The following TULP4 variants were observed in gnomAD, a reference collection of about 807,000 sequenced individuals.
The protein encoded by TULP4 is TUB like protein 4, also known as tubby-related protein 4.
In TULP4, 16 loss-of-function variants were observed where a neutral mutation model predicts 129.0. The observed-to-expected ratio is 0.12, with a 90% CI of 0.08 to 0.19. The LOEUF is 0.19. Among genes scored for constraint, TULP4 ranks in the 10% least tolerant of loss-of-function variants. TULP4 has a pLI of 1.00. For missense variants in TULP4, 1,842 were observed against 2,059.1 expected (o/e 0.89, Z 2.04); for synonymous variants, 998 against 854.0 (o/e 1.17, Z -2.94).
At chr6:158,255,596 G>C (rs948069630) in intron 1 of TULP4, among the ~76,000 whole-genome samples, 3 of 152,104 alleles carry the variant, frequency 2.0e-5, no homozygotes, top group African/African-American at 7.2e-5. Context: ...GTCTGGGTGT[G>C]GTGCCTGGAA....
intron 1 of TULP4, among the ~76,000 whole-genome samples, chr6:158,320,432 A>T (rs1381219129): frequency 2.8e-5 from 4 of 142,322 alleles, no homozygotes; most frequent in South Asian, 2.3e-4. Context: ...TTTAACAGGA[A>T]TTTTTTTTTT....
At chr6:158,250,514 G>A (rs1778120766) in intron 1 of TULP4, among the ~76,000 whole-genome samples, 1 of 152,198 alleles carries the variant, frequency 6.6e-6, no homozygotes. Flanking sequence ...AGGTGCTTTG[G>A]AATCAGCTTT....
intron 1 of TULP4, among the ~76,000 whole-genome samples, chr6:158,341,486 T>G (rs1319647983): frequency 1.3e-5 from 2 of 152,210 alleles, no homozygotes; most frequent in African/African-American, 4.8e-5. Context: ...GGTAGTTCTA[T>G]TTTTAGTTTT....
At chr6:158,435,647 G>A (rs921045884) in intron 3 of TULP4, among the ~76,000 whole-genome samples, 1 of 152,030 alleles carries the variant, frequency 6.6e-6, no homozygotes, top group African/African-American at 2.4e-5. Context: ...TCTGTTTGCT[G>A]CTGGCTCCCC....
intron 1 of TULP4, among the ~76,000 whole-genome samples, chr6:158,349,457 C>A (rs1461468974): frequency 5.4e-5 from 7 of 129,110 alleles, no homozygotes; most frequent in Non-Finnish European, 1.1e-4. Flanking sequence ...TGGGCAGAGG[C>A]GCTCCTCACC....
intron 5 of TULP4, among the ~76,000 whole-genome samples, chr6:158,457,861 C>T (rs538459280): frequency 3.9e-5 from 6 of 152,106 alleles, no homozygotes; most frequent in Non-Finnish European, 7.3e-5. Context: ...GATTTGCCCA[C>T]GTCGTCCTCA....
upstream of TULP4, among the ~76,000 whole-genome samples, chr6:158,307,902 A>G (rs988120176): frequency 6.6e-6 from 1 of 151,368 alleles, no homozygotes; most frequent in Non-Finnish European, 1.5e-5. Flanking sequence ...TATTAACATC[A>G]CCCCCAGTTA....
At chr6:158,457,031 G>C (rs1779306697) in intron 5 of TULP4, among the ~76,000 whole-genome samples, 1 of 151,928 alleles carries the variant, frequency 6.6e-6, no homozygotes. Context: ...ACTATCTTAC[G>C]GGCTATGTTG....
At chr6:158,376,027 C>T (rs780729335) in intron 1 of TULP4, among the ~76,000 whole-genome samples, 4 of 152,108 alleles carry the variant, frequency 2.6e-5, no homozygotes, top group African/African-American at 9.7e-5. Context: ...GCATGAAGGC[C>T]GGAAACTGTG....
chr6:158,396,920 C>T (rs924401224), intron 1 of TULP4, among the ~76,000 whole-genome samples: 2 of 152,076 alleles, frequency 1.3e-5, no homozygotes, highest in Non-Finnish European at 2.9e-5. Flanking sequence ...CTGGAAGAGG[C>T]GGGCTGCGTG....
intron 1 of TULP4, among the ~76,000 whole-genome samples, chr6:158,273,119 TG>T (rs1778579919): frequency 6.6e-6 from 1 of 152,228 alleles, no homozygotes; most frequent in African/African-American, 2.4e-5. Flanking sequence ...TTGGAATGTG[TG>T]TTCTTCACAC....
At position 158,347,076 on chromosome 6, in the gene TULP4, C is replaced by T. The variant is rs539156495; in HGVS notation, c.252+32808C>T. Among the ~76,000 whole-genome samples the T allele has an allele frequency of 2.6e-4, 40 of 152,148 alleles. No homozygotes were observed. In the South Asian group the frequency reaches 5.4e-3, roughly 21 times the overall value. Reference sequence around the variant, plus strand: ...GCAATATTTCTTATAGGGCTTTCAGCGACAGAAATCCGTACTTGCCTGCAC... The same window carrying T: ...GCAATATTTCTTATAGGGCTTTCAGTGACAGAAATCCGTACTTGCCTGCAC... On this transcript the variant is annotated intron_variant, in intron 1 of 13. Coordinates refer to ENST00000367097, the MANE Select transcript of TULP4 (RefSeq NM_020245.5).
In TULP4 at chr6:158,502,686, C is replaced by A. The variant is rs1192652481; in HGVS notation, c.3023C>A (p.Pro1008His). Residue 1008 changes from proline to histidine, a missense_variant, in exon 13 of 14, where the codon CCC becomes CAC. Physicochemically the swap from Pro to His is moderately conservative, Grantham distance 77. Coordinates refer to ENST00000367097, the MANE Select transcript of TULP4 (RefSeq NM_020245.5). ...MAQLADSPRA[P>H]LQPLAKSKGG... ...CAGCTGGCCGACAGCCCGCGGGCCC[C>A]CCTGCAGCCCCTGGCCAAGTCCAAG... 3 of 1,556,162 alleles carry A rather than the reference C, an allele frequency of 1.9e-6. No homozygotes were observed. Among genetic ancestry groups the A allele is most frequent in the Non-Finnish European group, 2.6e-6 (3 of 1,156,502 alleles).
chr6:158,473,110 TAAGAG>T (rs771677067), intron 6 of TULP4, among the ~76,000 whole-genome samples: 7 of 152,164 alleles, frequency 4.6e-5, no homozygotes, highest in Non-Finnish European at 1.0e-4. Context: ...GGTAAAAAAT[TAAGAG>T]AAGAGAAGGT....
At position 158,365,297 on chromosome 6, in the gene TULP4, C is replaced by T. The variant is rs375003374; in HGVS notation, c.253-47768C>T. 7.2e-5 allele frequency among the ~76,000 whole-genome samples: 11 copies of T among 152,006 alleles called. 1 individual carries two copies. The highest frequency in any genetic ancestry group is 2.7e-4 in the African/African-American group (11 of 41,442). On this transcript the variant is annotated intron_variant, in intron 1 of 13. Coordinates refer to ENST00000367097, the MANE Select transcript of TULP4 (RefSeq NM_020245.5). ...TTTAATTTACTAATTCTCTCGTTTA[C>T]TGTGCTTGGTGTTGTTTCTCCCCAT...
chr6:158,332,448 G>T (rs997075085), intron 1 of TULP4, among the ~76,000 whole-genome samples: 2 of 151,912 alleles, frequency 1.3e-5, no homozygotes, highest in African/African-American at 4.8e-5. Context: ...TGGAGTGCAG[G>T]CAAGGGAGGA....
At chr6:158,316,047 C>T (rs1779484213) in intron 1 of TULP4, among the ~76,000 whole-genome samples, 1 of 152,212 alleles carries the variant, frequency 6.6e-6, no homozygotes. Flanking sequence ...TGGAATCCTT[C>T]ATTACATACT....
chr6:158,323,831 G>A (rs1191286682), intron 1 of TULP4, among the ~76,000 whole-genome samples: 1 of 152,132 alleles, frequency 6.6e-6, no homozygotes, highest in East Asian at 1.9e-4. Context: ...CCTCAATATT[G>A]TTAAGTTCTT....
At chr6:158,282,734 G>A (rs1778775610) in intron 1 of TULP4, 1 of 152,034 alleles carries the variant, frequency 6.6e-6, no homozygotes, top group Admixed American at 6.6e-5. Context: ...GTGTAAAGCA[G>A]GCATCTGGAT....
Sources: gnomAD v4.1 joint callset for allele counts (sites outside exome capture counted in the v4.1 genomes callset) on GRCh38, gnomAD v4.1.1 for gene constraint, MANE v1.5 for transcripts, NCBI Gene and HGNC (gene_info 2026-07-23, HGNC 2026-07-21) for gene names.